The following POLR2G variants were observed in gnomAD, a reference collection of about 807,000 sequenced individuals.
POLR2G encodes RNA polymerase II subunit G, also known as DNA-directed RNA polymerase II subunit RPB7.
POLR2G carries 19 observed loss-of-function variants against 25.7 expected under a neutral mutation model. That is an observed-to-expected ratio of 0.74 (90% confidence interval 0.52 to 1.08). The LOEUF (loss-of-function observed/expected upper bound fraction) is 1.08. POLR2G is among the 50% of genes least tolerant of loss of function. The pLI, the probability that POLR2G is intolerant of heterozygous loss-of-function variation, is 0.00. For synonymous variants in POLR2G, 79 were observed against 76.0 expected (o/e 1.04, Z -0.21); for missense variants, 123 against 218.5 (o/e 0.56, Z 2.76).
chr11:62,765,682 C>T lies in POLR2G; in HGVS notation c.429C>T (p.Ile143=). ...EDIVIQQDDE[I]RLKIVGTRVD... ...TTGTGATTCAGCAGGACGATGAGAT[C>T]CGCTTAAAGATTGTGGGGACCCGTG... Residue 143 remains isoleucine (I), a synonymous_variant, in exon 6 of 8, where the codon ATC becomes ATT. Transcript: ENST00000301788. 1 of 1,611,654 alleles carries T rather than the reference C, an allele frequency of 6.2e-7. No individual in the cohort carries two copies. The highest frequency in any genetic ancestry group is 1.1e-5 in the South Asian group (1 of 91,042).
At position 62,766,232 on chromosome 11, in the gene POLR2G, C is replaced by A; in HGVS notation, c.472-11C>A. The A allele has an allele frequency of 6.2e-7, 1 of 1,613,406 alleles. No homozygotes were observed. The highest frequency in any genetic ancestry group is 8.5e-7 in the Non-Finnish European group (1 of 1,179,378). On this transcript the variant is annotated splice_polypyrimidine_tract_variant and intron_variant, in intron 6 of 7. Coordinates refer to ENST00000301788, the MANE Select transcript of POLR2G (RefSeq NM_002696.3). ...CTTGGCTTCACTTTCTTTTTACCATCTTTCTTGCAGTTTGCTATTGGCTCC... is the reference window on the plus strand; with the variant it reads ...CTTGGCTTCACTTTCTTTTTACCATATTTCTTGCAGTTTGCTATTGGCTCC...
At chr11:62,763,640 G>T (rs775692328) in intron 3 of POLR2G, among the ~76,000 whole-genome samples, 1 of 151,934 alleles carries the variant, frequency 6.6e-6, no homozygotes, top group Non-Finnish European at 1.5e-5. Flanking sequence ...AACTCAGAGG[G>T]CAAGAGAGTC....
At position 62,761,782 on chromosome 11, in the gene POLR2G, C is replaced by T. The variant is rs1258153649; in HGVS notation, c.13-13C>T. On this transcript the variant is annotated splice_polypyrimidine_tract_variant and intron_variant, in intron 1 of 7. Transcript: ENST00000301788. ...AGCGCCTGGCCTGGTCGCCATCCCACTTTTCTCCGCAGATCTCCCTAGAGC... is the reference window on the plus strand; with the variant it reads ...AGCGCCTGGCCTGGTCGCCATCCCATTTTTCTCCGCAGATCTCCCTAGAGC... The T allele has an allele frequency of 1.2e-6, 2 of 1,613,114 alleles. No homozygotes were observed. Among genetic ancestry groups the T allele is most frequent in the Non-Finnish European group, 1.7e-6 (2 of 1,179,220 alleles).
chr11:62,762,476 T>C (rs2084093578), intron 2 of POLR2G: 1 of 396,890 alleles, frequency 2.5e-6, no homozygotes, highest in Non-Finnish European at 5.3e-6. Context: ...GTGGAGTACT[T>C]GGGCCTCCAG....
At chr11:62,764,554 G>A (rs548454586) in intron 3 of POLR2G, among the ~76,000 whole-genome samples, 4 of 152,108 alleles carry the variant, frequency 2.6e-5, no homozygotes, top group Non-Finnish European at 2.9e-5. Context: ...CAGTGCTTTG[G>A]GGGGCAGAAG....
In POLR2G at chr11:62,761,601, A is replaced by T; in HGVS notation, c.-48A>T. ...GTCTAAGTGTTTCCGGTGGATTCCC[A>T]GGGACTGTCGGAGGTGTGGACTCTG... is the stretch of plus-strand genomic sequence containing the variant. On this transcript the variant is annotated 5_prime_UTR_variant, in exon 1 of 8. Transcript: ENST00000301788. 6.3e-7 allele frequency: 1 copy of T among 1,575,342 alleles called. No individual in the cohort carries two copies. Among genetic ancestry groups the T allele is most frequent in the Non-Finnish European group, 8.6e-7 (1 of 1,159,778 alleles).
chr11:62,766,638 G>T lies in POLR2G; in HGVS notation c.*131G>T. The T allele has an allele frequency of 1.4e-6, 1 of 730,002 alleles. No homozygotes were observed. Among genetic ancestry groups the T allele is most frequent in the Non-Finnish European group, 2.4e-6 (1 of 418,736 alleles). The allele number at this position is 730,002 out of a possible 1,614,324, so 45.2% of individuals were successfully genotyped here. A position where few individuals can be genotyped will look rare whatever the true frequency, so the allele number is the denominator to read the frequency against. On this transcript the variant is annotated 3_prime_UTR_variant, in exon 8 of 8. Coordinates refer to ENST00000301788, the MANE Select transcript of POLR2G (RefSeq NM_002696.3). ...CAACTCATCCCAGAAGGCATCTGGT[G>T]CTTCTTGTAGCTTAACTACTGCCTC...
At position 62,765,636 on chromosome 11, in the gene POLR2G, T is replaced by C; in HGVS notation, c.400-17T>C. The stretch of plus-strand genomic sequence containing the variant: ...TAAACTGAGGAGCATCTGTACACTG[T>C]TCCCTCCTCTCCTCAGGATATTGTG... On this transcript the variant is annotated splice_polypyrimidine_tract_variant and intron_variant, in intron 5 of 7. Transcript: ENST00000301788. 6.4e-7 allele frequency: 1 copy of C among 1,572,190 alleles called. No individual in the cohort carries two copies. Among genetic ancestry groups the C allele is most frequent in the Non-Finnish European group, 8.8e-7 (1 of 1,141,684 alleles).
intron 3 of POLR2G, among the ~76,000 whole-genome samples, chr11:62,763,494 C>T (rs2084099474): frequency 6.6e-6 from 1 of 151,574 alleles, no homozygotes; most frequent in South Asian, 2.1e-4. Flanking sequence ...CGGGGTTTCA[C>T]TGTGTTAGCC....
intron 3 of POLR2G, 122 bp from the exon 4 acceptor site, chr11:62,765,060 T>G: frequency 1.3e-6 from 1 of 758,914 alleles, no homozygotes; most frequent in Non-Finnish European, 2.3e-6. Flanking sequence ...GGTTTCACCA[T>G]GTTGGTCAGG....
chr11:62,761,758 G>A, intron 1 of POLR2G, 37 bp from the exon 2 acceptor site: 2 of 1,609,004 alleles, frequency 1.2e-6, no homozygotes, highest in Middle Eastern at 1.7e-4. Context: ...TAACCTGCCA[G>A]CGCCTGGCCT....
chr11:62,764,554 G>C (rs548454586), intron 3 of POLR2G, among the ~76,000 whole-genome samples: 4 of 152,108 alleles, frequency 2.6e-5, no homozygotes, highest in Non-Finnish European at 4.4e-5. Context: ...CAGTGCTTTG[G>C]GGGGCAGAAG....
intron 2 of POLR2G, 71 bp from the exon 3 acceptor site, chr11:62,762,796 G>T (rs2084095127): frequency 7.7e-7 from 1 of 1,305,218 alleles, no homozygotes; most frequent in South Asian, 1.4e-5. Flanking sequence ...AGAGCTCAGC[G>T]ACTTTTATTG....
intron 3 of POLR2G, among the ~76,000 whole-genome samples, chr11:62,764,698 A>G (rs1364571169): frequency 6.6e-6 from 1 of 152,132 alleles, no homozygotes; most frequent in Non-Finnish European, 1.5e-5. Flanking sequence ...TGGGAGGCTG[A>G]GGTGGGAGGA....
intron 3 of POLR2G, among the ~76,000 whole-genome samples, chr11:62,764,901 C>T (rs1400559743): frequency 6.6e-6 from 1 of 151,998 alleles, no homozygotes; most frequent in Non-Finnish European, 1.5e-5. Context: ...GCTCTGTTGC[C>T]AGGCTGAAGT....
chr11:62,765,851 G>A (rs1056936139), intron 6 of POLR2G, 127 bp downstream of exon 6: 15 of 639,670 alleles, frequency 2.3e-5, no homozygotes, highest in Non-Finnish European at 3.9e-5. Context: ...GCAGTGGCGC[G>A]ATCTCGGCTC....
At position 62,762,996 on chromosome 11, in the gene POLR2G, C is replaced by G; in HGVS notation, c.252C>G (p.Val84=). The change falls in exon 3 of 8, where the codon GTC becomes GTG. Residue 84 remains valine, a synonymous_variant. Coordinates refer to ENST00000301788, the MANE Select transcript of POLR2G (RefSeq NM_002696.3). ...TTTTCCGGCCATTTAAAGGGGAGGTCGTGGATGCTGTTGTCACTCAGGTCA... is the reference window on the plus strand; with the variant it reads ...TTTTCCGGCCATTTAAAGGGGAGGTGGTGGATGCTGTTGTCACTCAGGTCA... ...AIVFRPFKGE[V]VDAVVTQVNK... The G allele has an allele frequency of 6.2e-7, 1 of 1,608,734 alleles. No homozygotes were observed. The highest frequency in any genetic ancestry group is 8.5e-7 in the Non-Finnish European group (1 of 1,176,210).
intron 3 of POLR2G, among the ~76,000 whole-genome samples, chr11:62,763,993 C>T (rs532416879): frequency 4.2e-4 from 64 of 151,786 alleles, no homozygotes; most frequent in Non-Finnish European, 7.4e-4. Flanking sequence ...CTGCCTGGCT[C>T]AGCCACCCAA....
chr11:62,763,746 G>GT (rs113273321), intron 3 of POLR2G, among the ~76,000 whole-genome samples: 2,614 of 137,432 alleles, frequency 0.019, 29 homozygotes, highest in African/African-American at 0.038. Context: ...TAAAAGGTGG[G>GT]TTTTTTTTTT....
Sources: allele counts gnomAD v4.1 joint callset (sites outside exome capture counted in the v4.1 genomes callset), GRCh38; gene constraint gnomAD v4.1.1; transcripts MANE v1.5; gene names NCBI Gene and HGNC (gene_info 2026-07-23, HGNC 2026-07-21).